IL6R: variants seen among roughly 807,000 people sequenced by gnomAD.
IL6R encodes the protein interleukin-6 receptor subunit alpha.
A neutral mutation model predicts 48.3 loss-of-function variants in IL6R; 38 were observed. The observed-to-expected ratio is 0.79, with a 90% CI of 0.61 to 1.03. The LOEUF is 1.03. IL6R is among the 50% of genes least tolerant of loss of function. The probability of loss-of-function intolerance (pLI) is 0.00; values close to 1 mark genes in which losing one functional copy is unlikely to be tolerated. For missense variants in IL6R, 534 were observed against 618.3 expected, an observed-to-expected ratio of 0.86 and a Z score of 1.45; for synonymous variants, 264 against 256.2, an observed-to-expected ratio of 1.03 and a Z score of -0.29.
intron 1 of IL6R, among the ~76,000 whole-genome samples, chr1:154,413,348 C>G (rs1340499210): frequency 6.6e-6 from 1 of 152,246 alleles, no homozygotes; most frequent in Admixed American, 6.5e-5. Context: ...CTTGCTCTTA[C>G]GGCCCCTGCT....
intron 1 of IL6R, among the ~76,000 whole-genome samples, chr1:154,419,463 T>C (rs1477828947): frequency 6.6e-6 from 1 of 152,210 alleles, no homozygotes; most frequent in Non-Finnish European, 1.5e-5. Flanking sequence ...CACCTACTTT[T>C]AGATCAAGAC....
intron 7 of IL6R, among the ~76,000 whole-genome samples, chr1:154,449,038 C>T (rs1279945887): frequency 6.8e-5 from 10 of 147,910 alleles, no homozygotes; most frequent in East Asian, 2.0e-4. Flanking sequence ...GGACTACAGG[C>T]GCCCGCGACC....
Position 154,465,125 on chromosome 1 carries a change from TG to T in IL6R, c.1161-8del, listed in dbSNP as rs771968562. ...TCTGTGTGGTTTGTCTTTGTGTGTT[TG>T]TGTGAAGGTTCAAGAAGACGTGGAA... is the stretch of plus-strand genomic sequence containing the variant. On this transcript the variant is annotated splice_polypyrimidine_tract_variant and splice_region_variant and intron_variant, in intron 9 of 9. Transcript: ENST00000368485. The T allele has an allele frequency of 5.0e-6, 8 of 1,613,970 alleles. No individual in the cohort carries two copies. Among genetic ancestry groups the T allele is most frequent in the Non-Finnish European group, 6.8e-6 (8 of 1,180,004 alleles).
At chr1:154,457,657 A>C (rs1472499299) in intron 9 of IL6R, among the ~76,000 whole-genome samples, 1 of 152,212 alleles carries the variant, frequency 6.6e-6, no homozygotes, top group Non-Finnish European at 1.5e-5. Flanking sequence ...TGAACAAGCA[A>C]TAATGAAATT....
chr1:154,441,829 A>G (rs986607589), intron 6 of IL6R, among the ~76,000 whole-genome samples: 4 of 152,054 alleles, frequency 2.6e-5, no homozygotes, highest in Non-Finnish European at 5.9e-5. Flanking sequence ...CCTGGGAAGC[A>G]CCTGGGAGTC....
chr1:154,414,466 A>G (rs1688216064), intron 1 of IL6R: 3 of 1,139,310 alleles, frequency 2.6e-6, no homozygotes, highest in Non-Finnish European at 3.9e-6. Flanking sequence ...GGCCGGCAAA[A>G]CTATATTAGT....
intron 5 of IL6R, 59 bp downstream of exon 5, chr1:154,435,215 A>G: frequency 6.5e-7 from 1 of 1,542,548 alleles, no homozygotes; most frequent in Non-Finnish European, 8.9e-7. Context: ...GGCGTAGTAG[A>G]AAGGGTACTA....
At chr1:154,462,942 G>C (rs867279770) in intron 9 of IL6R, among the ~76,000 whole-genome samples, 114 of 152,258 alleles carry the variant, frequency 7.5e-4, no homozygotes, top group African/African-American at 2.4e-3. Flanking sequence ...CAAGTAGCTG[G>C]GATTACAGGC....
chr1:154,417,654 CCA>C, intron 1 of IL6R, among the ~76,000 whole-genome samples: 2 of 152,068 alleles, frequency 1.3e-5, no homozygotes, highest in East Asian at 3.9e-4. Context: ...ACTGCAAACT[CCA>C]TCTCCGGGGT....
In IL6R at chr1:154,436,116, G is replaced by A; in HGVS notation, c.949+6G>A. ...CATGGGCACGCCTTGGACAGGTACT[G>A]CGGTGGGCACTGAGAAAGGAAGGGA... On this transcript the variant is annotated splice_donor_region_variant and intron_variant, in intron 6 of 9. Coordinates refer to ENST00000368485, the MANE Select transcript of IL6R (RefSeq NM_000565.4). 1 of 1,595,976 alleles carries A rather than the reference G, an allele frequency of 6.3e-7. No homozygotes were observed. The highest frequency in any genetic ancestry group is 8.6e-7 in the Non-Finnish European group (1 of 1,166,604).
chr1:154,414,739 G>C, intron 1 of IL6R: 1 of 792,772 alleles, frequency 1.3e-6, no homozygotes, highest in Admixed American at 1.9e-5. Flanking sequence ...AGGGTTTTTG[G>C]TGTAGACATT....
At chr1:154,406,113 G>A (rs1340477031) in intron 1 of IL6R, among the ~76,000 whole-genome samples, 1 of 152,142 alleles carries the variant, frequency 6.6e-6, no homozygotes, top group Non-Finnish European at 1.5e-5. Flanking sequence ...TGATGTACCC[G>A]CCTGGGGAGT....
chr1:154,446,344 G>A (rs1570984506), intron 6 of IL6R, among the ~76,000 whole-genome samples: 1 of 152,264 alleles, frequency 6.6e-6, no homozygotes, highest in Non-Finnish European at 1.5e-5. Flanking sequence ...TGCTGCTGGT[G>A]TGTGGTTTCC....
At chr1:154,442,939 T>A (rs1362892320) in intron 6 of IL6R, among the ~76,000 whole-genome samples, 4 of 152,056 alleles carry the variant, frequency 2.6e-5, no homozygotes, top group Admixed American at 6.5e-5. Flanking sequence ...GCTAATTTTT[T>A]AAAAAATATT....
In IL6R at chr1:154,435,083, A is replaced by G. The variant is rs753524453; in HGVS notation, c.734A>G (p.Asn245Ser). The G allele has an allele frequency of 3.1e-6, 5 of 1,614,076 alleles. No individual in the cohort carries two copies. The Admixed American group carries it at 5.0e-5, about 16-fold the overall frequency. The change falls in exon 5 of 10, where the codon AAC becomes AGC. Residue 245 changes from asparagine (N) to serine (S), a missense_variant. Asn to Ser is a conservative substitution (Grantham distance 46, BLOSUM62 1). Coordinates refer to ENST00000368485, the MANE Select transcript of IL6R (RefSeq NM_000565.4). ...ACCTGGCAAGACCCCCACTCCTGGA[A>G]CTCATCTTTCTACAGACTACGGTTT... ...SVTWQDPHSW[N>S]SSFYRLRFEL... is the part of the protein sequence containing the mutation.
At chr1:154,430,238 G>T (rs1463085113) in intron 2 of IL6R, among the ~76,000 whole-genome samples, 1 of 152,144 alleles carries the variant, frequency 6.6e-6, no homozygotes, top group South Asian at 2.1e-4. Flanking sequence ...TGGTCCTGAG[G>T]TTCTTCCCTT....
Position 154,465,361 on chromosome 1 carries a change from A to G in IL6R, c.1388A>G (p.Asp463Gly), listed in dbSNP as rs769627352. The change falls in exon 10 of 10, where the codon GAC becomes GGC. Residue 463 changes from aspartate to glycine, a missense_variant. Physicochemically the swap from Asp to Gly is moderately conservative, Grantham distance 94. Transcript: ENST00000368485. The stretch of plus-strand genomic sequence containing the variant: ...AGCCCTTATGACATCAGCAATACAG[A>G]CTACTTCTTCCCCAGATAGCTGGCT... ...PRSPYDISNT[D>G]YFFPR 26 of 1,613,974 alleles carry G rather than the reference A, an allele frequency of 1.6e-5. No individual in the cohort carries two copies. Among genetic ancestry groups the G allele is most frequent in the Non-Finnish European group, 2.1e-5 (25 of 1,180,020 alleles).
chr1:154,408,992 A>T (rs1271506533), intron 1 of IL6R, among the ~76,000 whole-genome samples: 2 of 152,226 alleles, frequency 1.3e-5, no homozygotes, highest in East Asian at 1.9e-4. Context: ...AAAAAGATTT[A>T]AAAAATTAGC....
chr1:154,419,817 G>T (rs755328812), intron 1 of IL6R, among the ~76,000 whole-genome samples: 12 of 152,228 alleles, frequency 7.9e-5, no homozygotes, highest in Non-Finnish European at 1.5e-4. Flanking sequence ...ATTGACATTT[G>T]CAAGTTTACT....
Sources: gnomAD v4.1 joint callset for allele counts (sites outside exome capture counted in the v4.1 genomes callset) on GRCh38, gnomAD v4.1.1 for gene constraint, MANE v1.5 for transcripts, NCBI Gene and HGNC (gene_info 2026-07-23, HGNC 2026-07-21) for gene names.